The following ZNF558 variants were observed in gnomAD, a reference collection of about 807,000 sequenced individuals.
ZNF558 encodes zinc finger protein 558.
ZNF558 carries 23 observed loss-of-function variants against 37.6 expected under a neutral mutation model. The observed-to-expected ratio is 0.61, with a 90% CI of 0.44 to 0.87. The LOEUF is 0.87. Ranked by LOEUF, ZNF558 falls within the 40% of genes least tolerant of loss-of-function variation. The pLI, the probability that ZNF558 is intolerant of heterozygous loss-of-function variation, is 0.00. For synonymous variants in ZNF558, 189 were observed against 174.4 expected (o/e 1.08, Z -0.66); for missense variants, 429 against 483.7 (o/e 0.89, Z 1.06).
intron 7 of ZNF558, among the ~76,000 whole-genome samples, chr19:8,816,792 CTCTTT>C (rs1449052456): frequency 2.6e-5 from 4 of 152,302 alleles, no homozygotes; most frequent in Admixed American, 1.3e-4. Context: ...TTTATAACTT[CTCTTT>C]TATTACTACA....
At chr19:8,835,899 G>T (rs1241515706), upstream of ZNF558, among the ~76,000 whole-genome samples, 4 of 152,112 alleles carry the variant, frequency 2.6e-5, no homozygotes, top group Non-Finnish European at 4.4e-5. Context: ...GTAAGTAAAA[G>T]AAGCCACTCA....
upstream of ZNF558, among the ~76,000 whole-genome samples, chr19:8,835,077 A>T (rs1389979941): frequency 1.3e-5 from 2 of 149,722 alleles, no homozygotes; most frequent in Non-Finnish European, 3.0e-5. Context: ...TTTGAGGTGG[A>T]GTCTCCTTCT....
At chr19:8,823,595 CCCCT>C (rs777141111) in intron 4 of ZNF558, among the ~76,000 whole-genome samples, 2 of 142,680 alleles carry the variant, frequency 1.4e-5, no homozygotes, top group Non-Finnish European at 3.1e-5. Flanking sequence ...CTCAGTCACC[CCCCT>C]CCTGCCTCAG....
chr19:8,812,060 T>C lies in ZNF558; in HGVS notation c.430A>G (p.Arg144Gly), dbSNP rs781973067. The C allele has an allele frequency of 7.4e-5, 116 of 1,566,484 alleles. 1 individual carries two copies. The highest frequency in any genetic ancestry group is 6.1e-4 in the South Asian group (50 of 82,482). Reference sequence around the variant, plus strand: ...TTGAGTTTCACTCCACGATGACTTCTTTCCTGTGGATTAAGAGATGAATGA... The same window carrying C: ...TTGAGTTTCACTCCACGATGACTTCCTTCCTGTGGATTAAGAGATGAATGA... ...KEQSKGVKTE[R>G]SHRGVKLNEC... Residue 144 changes from arginine (R) to glycine (G), a missense_variant, in exon 10 of 10, where the codon AGA becomes GGA. Coordinates refer to ENST00000601372, the MANE Select transcript of ZNF558 (RefSeq NM_144693.3).
At chr19:8,823,003 G>A (rs778479431) in intron 4 of ZNF558, 6 of 323,110 alleles carry the variant, frequency 1.9e-5, no homozygotes, top group Admixed American at 3.9e-5. Flanking sequence ...CCATCCAAGC[G>A]CACCACAAAC....
chr19:8,835,134 CT>C (rs555558976), upstream of ZNF558, among the ~76,000 whole-genome samples: 1 of 152,068 alleles, frequency 6.6e-6, no homozygotes, highest in South Asian at 2.1e-4. Context: ...TCACTGCATC[CT>C]CTGCCTCCTG....
At chr19:8,828,751 C>T (rs34836991) in intron 2 of ZNF558, among the ~76,000 whole-genome samples, 26,006 of 151,840 alleles carry the variant, frequency 0.17, 2,770 homozygotes, top group East Asian at 0.28. Context: ...CACCTGAGGT[C>T]AGGAGTTTGA....
intron 7 of ZNF558, among the ~76,000 whole-genome samples, chr19:8,819,777 A>G (rs2341324): frequency 0.037 from 5,568 of 152,170 alleles, 378 homozygotes; most frequent in African/African-American, 0.13. Context: ...GTCTCTATAA[A>G]AAATACAAAA....
Position 8,807,214 on chromosome 19 carries a change from CCCTCT to C in ZNF558, c.*4062_*4066del, listed in dbSNP as rs1333418093. On this transcript the variant is annotated 3_prime_UTR_variant, in exon 10 of 10. Coordinates refer to ENST00000601372, the MANE Select transcript of ZNF558 (RefSeq NM_144693.3). ...ACCTCTCTCAGCTCCTGGAATGCAG[CCCTCT>C]CCTCTCGTCTCCAGATTCAGTTGCT... 2 of 152,304 alleles carry C rather than the reference CCCTCT, an allele frequency of 1.3e-5. No individual in the cohort carries two copies. Among genetic ancestry groups the C allele is most frequent in the African/African-American group, 4.8e-5 (2 of 41,436 alleles). 9.4% of individuals were successfully genotyped at this position (152,304 alleles called of 1,614,324 possible).
chr19:8,832,979 A>T (rs1329881424), upstream of ZNF558: 1 of 145,610 alleles, frequency 6.9e-6, no homozygotes, highest in African/African-American at 2.6e-5. Flanking sequence ...GGGTGGCAGC[A>T]AGCCTGGGGG....
rs111374980 is a variant in ZNF558 at position 8,822,622 on chromosome 19, G to A, written c.31+7C>T. The A allele has an allele frequency of 4.0e-5, 65 of 1,614,076 alleles. 2 individuals carry two copies. Among genetic ancestry groups the A allele is most frequent in the African/African-American group, 3.9e-4 (29 of 75,016 alleles). ...ACTCTGAGAAATGTCAGGACCCCAC[G>A]ACTCACCAGCAGTCGAGGGCAGGAT... On this transcript the variant is annotated splice_region_variant and intron_variant, in intron 5 of 9. Coordinates refer to ENST00000601372, the MANE Select transcript of ZNF558 (RefSeq NM_144693.3). The surrounding 1 kb of genome is among the most constrained non-coding windows in gnomAD (Gnocchi z 4.4).
Position 8,821,988 on chromosome 19 carries a change from G to A in ZNF558, c.120+15C>T, listed in dbSNP as rs772499460. The stretch of plus-strand genomic sequence containing the variant: ...CAAAGGAATAATGATTTGGGAAAAG[G>A]AACATCTGACTCACCCGTAGCCAGC... On this transcript the variant is annotated intron_variant, in intron 6 of 9. Transcript: ENST00000601372. The A allele has an allele frequency of 3.1e-6, 5 of 1,613,616 alleles. No homozygotes were observed. In the South Asian group the frequency reaches 3.3e-5, roughly 11 times the overall value.
intron 8 of ZNF558, 24 bp downstream of exon 8, chr19:8,813,103 G>A: frequency 6.5e-7 from 1 of 1,550,222 alleles, no homozygotes; most frequent in Non-Finnish European, 8.8e-7. Context: ...TCCTCACAAG[G>A]GCTCATATCC....
chr19:8,814,127 C>T lies in ZNF558; in HGVS notation c.248-905G>A, dbSNP rs58036449. On this transcript the variant is annotated intron_variant, in intron 7 of 9. Coordinates refer to ENST00000601372, the MANE Select transcript of ZNF558 (RefSeq NM_144693.3). Reference sequence around the variant, plus strand: ...AAAGTCCACAGCAATCAGGAGAATGCCTTCTCAGAAAACCCAGCTGAATCT... The same window carrying T: ...AAAGTCCACAGCAATCAGGAGAATGTCTTCTCAGAAAACCCAGCTGAATCT... Among the ~76,000 whole-genome samples, 1,117 of 152,328 alleles carry T rather than the reference C, an allele frequency of 7.3e-3. 13 individuals are homozygous for T. The highest frequency in any genetic ancestry group is 0.026 in the African/African-American group (1,060 of 41,566).
chr19:8,811,868 A>AG lies in ZNF558; in HGVS notation c.621dup (p.Tyr208LeufsTer2). ...GCTTTCCCACAGTGATTGCATTCAT[A>AG]GGGTTTCTCCCCATTATGGATTCTC... On this transcript the variant is annotated frameshift_variant, in exon 10 of 10. Transcript: ENST00000601372. LOFTEE classifies it high-confidence loss of function. 1 of 1,614,152 alleles carries AG rather than the reference A, an allele frequency of 6.2e-7. No individual in the cohort carries two copies. The highest frequency in any genetic ancestry group is 8.5e-7 in the Non-Finnish European group (1 of 1,180,004).
Position 8,808,921 on chromosome 19 carries a change from AG to A in ZNF558, c.*2359del, listed in dbSNP as rs1555766704. The A allele has an allele frequency of 1.3e-5, 2 of 152,088 alleles. No homozygotes were observed. Among genetic ancestry groups the A allele is most frequent in the African/African-American group, 4.8e-5 (2 of 41,458 alleles). 9.4% of individuals were successfully genotyped at this position (152,088 alleles called of 1,614,324 possible). A position where few individuals can be genotyped will look rare whatever the true frequency, so the allele number is the denominator to read the frequency against. On this transcript the variant is annotated 3_prime_UTR_variant, in exon 10 of 10. Coordinates refer to ENST00000601372, the MANE Select transcript of ZNF558 (RefSeq NM_144693.3). Reference sequence around the variant, plus strand: ...CAGTTTCCCGAGTAGCTGGGAATACAGGTGTGCACCACCACACCCAGCTAAT... The same window carrying A: ...CAGTTTCCCGAGTAGCTGGGAATACAGTGTGCACCACCACACCCAGCTAAT...
At chr19:8,812,419 C>T (rs531857714) in intron 9 of ZNF558, 142 bp downstream of exon 9, 3 of 513,994 alleles carry the variant, frequency 5.8e-6, no homozygotes, top group South Asian at 4.6e-5. Flanking sequence ...TTATAATTTT[C>T]ACAGTGTCTC....
rs1182337797 is a variant in ZNF558, at chr19:8,810,604, C to G, written c.*677G>C. Reference sequence around the variant, plus strand: ...GTGAATTAATAGGAGTTACTGAATGCTATTTCATATTGATTAGAGTAGAAG... The same window carrying G: ...GTGAATTAATAGGAGTTACTGAATGGTATTTCATATTGATTAGAGTAGAAG... On this transcript the variant is annotated 3_prime_UTR_variant, in exon 10 of 10. Transcript: ENST00000601372. 1 of 152,200 alleles carries G rather than the reference C, an allele frequency of 6.6e-6. No homozygotes were observed. Among genetic ancestry groups the G allele is most frequent in the Non-Finnish European group, 1.5e-5 (1 of 68,038 alleles). The allele number at this position is 152,200 out of a possible 1,614,324, so 9.4% of individuals were successfully genotyped here. A position where few individuals can be genotyped will look rare whatever the true frequency, so the allele number is the denominator to read the frequency against.
chr19:8,833,092 T>G (rs1440285414), upstream of ZNF558: 1 of 152,576 alleles, frequency 6.6e-6, no homozygotes, highest in Non-Finnish European at 1.5e-5. Flanking sequence ...GGGGCAGGGA[T>G]CTGGGTATGA....
Sources: gnomAD v4.1 joint callset for allele counts (sites outside exome capture counted in the v4.1 genomes callset) on GRCh38, gnomAD v4.1.1 for gene constraint, Gnocchi (gnomAD v3.1) non-coding constraint, MANE v1.5 for transcripts, NCBI Gene and HGNC (gene_info 2026-07-23, HGNC 2026-07-21) for gene names.